The following HEATR1 variants were observed in gnomAD, a reference collection of about 807,000 sequenced individuals.
HEATR1 encodes HEAT repeat-containing protein 1.
A neutral mutation model predicts 248.2 loss-of-function variants in HEATR1; 77 were observed. That is an observed-to-expected ratio of 0.31 (90% CI 0.26 to 0.37). The LOEUF is 0.37. Ranked by LOEUF, HEATR1 falls within the 10% of genes least tolerant of loss-of-function variation. The pLI, the probability that HEATR1 is intolerant of heterozygous loss-of-function variation, is 1.00. For synonymous variants in HEATR1, 897 were observed against 923.1 expected (o/e 0.97, Z 0.51); for missense variants, 2,420 against 2,504.9 (o/e 0.97, Z 0.72).
In HEATR1 at chr1:236,574,699, C is replaced by T. The variant is rs139477120; in HGVS notation, c.3289G>A (p.Ala1097Thr). 2.2e-4 allele frequency: 352 copies of T among 1,613,850 alleles called. No individual in the cohort carries two copies. The highest frequency in any genetic ancestry group is 2.2e-3 in the African/African-American group (162 of 75,006). The change falls in exon 23 of 45, where the codon GCG (alanine) becomes ACG (threonine). Residue 1097 changes from alanine to threonine, a missense_variant. Ala to Thr is a moderately conservative substitution (Grantham distance 58). Transcript: ENST00000366582. ...GTGATCTGAATGGTTGGCATTCCCG[C>T]GTAAAGTTCCTTTGTTGTGTGCACA... ...KAVHTTKELY[A>T]GMPTIQITAL...
chr1:236,590,069 A>G (rs1245660777), intron 12 of HEATR1, among the ~76,000 whole-genome samples: 1 of 152,230 alleles, frequency 6.6e-6, no homozygotes, highest in Non-Finnish European at 1.5e-5. Context: ...ATTAGACCAA[A>G]TTATTTACAA....
intron 19 of HEATR1, 133 bp downstream of exon 19, chr1:236,582,603 A>G (rs1663782670): frequency 1.2e-6 from 1 of 836,684 alleles, no homozygotes; most frequent in Non-Finnish European, 1.9e-6. Flanking sequence ...GAGTTTCACT[A>G]TGTTGGCCAG....
rs978845326 is a variant in HEATR1, at chr1:236,561,246, A to G, written c.4625T>C (p.Ile1542Thr). The change falls in exon 33 of 45, where the codon ATT (isoleucine) becomes ACT (threonine). Residue 1542 changes from isoleucine (I) to threonine (T), a missense_variant. Physicochemically the swap from Ile to Thr is moderately conservative, Grantham distance 89 (BLOSUM62 -1). Coordinates refer to ENST00000366582, the MANE Select transcript of HEATR1 (RefSeq NM_018072.6). ...ATACCTCTCTTCAAGGCCTTTTAAA[A>G]TCTCAGGACCACCACTCTCAACTAC... ...KKVVESGGPE[I>T]LKGLEERLLE... 2 of 1,610,438 alleles carry G rather than the reference A, an allele frequency of 1.2e-6. No homozygotes were observed. Among genetic ancestry groups the G allele is most frequent in the Non-Finnish European group, 1.7e-6 (2 of 1,176,848 alleles).
chr1:236,556,556 A>G lies in HEATR1; in HGVS notation c.5356-298T>C, dbSNP rs75276632. ...ATGCAAGGGACCACGGCAAGAGTCA[A>G]GTTGCTAAAAAACTGAGAAAGCTCC... On this transcript the variant is annotated intron_variant, in intron 37 of 44. Coordinates refer to ENST00000366582, the MANE Select transcript of HEATR1 (RefSeq NM_018072.6). Among the ~76,000 whole-genome samples the G allele has an allele frequency of 3.2e-3, 489 of 152,340 alleles. 20 individuals are homozygous for G. The East Asian group carries it at 0.071, about 22-fold the overall frequency.
intron 43 of HEATR1, chr1:236,552,938 A>T (rs1034895060): frequency 6.6e-6 from 1 of 152,248 alleles, no homozygotes; most frequent in Non-Finnish European, 1.5e-5. Flanking sequence ...CATTGTTAGC[A>T]TATCCTAATA....
chr1:236,581,444 T>C lies in HEATR1; in HGVS notation c.2563-30A>G, dbSNP rs184976184. On this transcript the variant is annotated intron_variant, in intron 19 of 44. Coordinates refer to ENST00000366582, the MANE Select transcript of HEATR1 (RefSeq NM_018072.6). ...TTAAAAAAAAAAAAAAGCAAACTTT[T>C]AATTCTTACTCAAATAAGCTGGTTC... 51 of 1,393,020 alleles carry C rather than the reference T, an allele frequency of 3.7e-5. 1 individual carries two copies. The African/African-American group carries it at 5.6e-4, about 15-fold the overall frequency. The allele number at this position is 1,393,020 out of a possible 1,614,324, so 86.3% of individuals were successfully genotyped here. A position where few individuals can be genotyped will look rare whatever the true frequency, so the allele number is the denominator to read the frequency against.
At chr1:236,594,676 A>C (rs1664125701) in intron 8 of HEATR1, among the ~76,000 whole-genome samples, 1 of 152,250 alleles carries the variant, frequency 6.6e-6, no homozygotes, top group Admixed American at 6.5e-5. Context: ...CTCATTTTTC[A>C]GTAGACTGAC....
chr1:236,602,002 A>G (rs1455548040), intron 3 of HEATR1, among the ~76,000 whole-genome samples: 3 of 148,854 alleles, frequency 2.0e-5, no homozygotes, highest in African/African-American at 7.5e-5. Flanking sequence ...AACTGGGCGT[A>G]GTGGTATGTG....
At chr1:236,576,994 T>G in intron 20 of HEATR1, 45 bp from the exon 21 acceptor site, 1 of 1,466,128 alleles carries the variant, frequency 6.8e-7, no homozygotes, top group Non-Finnish European at 9.2e-7. Flanking sequence ...TTTTAAAAAC[T>G]GAAACAGTAC....
In HEATR1 at chr1:236,583,140, C is replaced by CAT. The variant is rs1302988592; in HGVS notation, c.2297_2298insAT (p.Leu767CysfsTer7). The CAT allele has an allele frequency of 6.2e-7, 1 of 1,613,850 alleles. No individual in the cohort carries two copies. Among genetic ancestry groups the CAT allele is most frequent in the African/African-American group, 1.3e-5 (1 of 74,908 alleles). On this transcript the variant is annotated frameshift_variant, in exon 18 of 45. Coordinates refer to ENST00000366582, the MANE Select transcript of HEATR1 (RefSeq NM_018072.6). LOFTEE classifies it high-confidence loss of function. Reference sequence around the variant, plus strand: ...GCTCTTCTACATAATGTGCCCACAGCTCCACTGGGATCCCTCTGTCTAACA... The same window carrying CAT: ...GCTCTTCTACATAATGTGCCCACAGCATTCCACTGGGATCCCTCTGTCTAACA...
chr1:236,562,091 C>T (rs1344105795), intron 32 of HEATR1, among the ~76,000 whole-genome samples: 3 of 152,188 alleles, frequency 2.0e-5, no homozygotes, highest in East Asian at 1.9e-4. Flanking sequence ...CTGGTACTAA[C>T]GACTTCAACA....
At chr1:236,597,003 C>G (rs1212612233) in intron 5 of HEATR1, 27 bp from the exon 6 acceptor site, 4 of 1,603,786 alleles carry the variant, frequency 2.5e-6, no homozygotes, top group Middle Eastern at 3.4e-4. Context: ...AAACAAAACA[C>G]ATTTAACAGT....
chr1:236,582,818 T>C lies in HEATR1; in HGVS notation c.2480A>G (p.His827Arg). ...QLKEDSRDYLHLLIGLFEMML... is the reference protein window; with the variant it reads ...QLKEDSRDYLRLLIGLFEMML... The stretch of plus-strand genomic sequence containing the variant: ...CATCTCAAACAGCCCAATGAGCAAG[T>C]GCAGATAGTCCCTGCTGTCTTCTTT... The change falls in exon 19 of 45, where the codon CAC becomes CGC. Residue 827 changes from histidine (H) to arginine (R), a missense_variant. Physicochemically the swap from His to Arg is conservative, Grantham distance 29. Coordinates refer to ENST00000366582, the MANE Select transcript of HEATR1 (RefSeq NM_018072.6). 1 of 1,613,936 alleles carries C rather than the reference T, an allele frequency of 6.2e-7. No homozygotes were observed.
intron 3 of HEATR1, among the ~76,000 whole-genome samples, chr1:236,600,933 T>C (rs533658219): frequency 6.6e-6 from 1 of 152,350 alleles, no homozygotes; most frequent in East Asian, 1.9e-4. Flanking sequence ...CTTAATCCTT[T>C]ATTATGGCAT....
intron 20 of HEATR1, 145 bp downstream of exon 20, chr1:236,581,077 C>T: frequency 1.6e-6 from 1 of 625,516 alleles, no homozygotes. Context: ...TTCGGCCTCC[C>T]AAAGTGCTGG....
intron 20 of HEATR1, among the ~76,000 whole-genome samples, chr1:236,580,018 C>T (rs1184968497): frequency 6.6e-6 from 1 of 151,916 alleles, no homozygotes; most frequent in Admixed American, 6.6e-5. Context: ...ATATTAATAA[C>T]ATTACAGTTT....
chr1:236,587,322 A>G lies in HEATR1; in HGVS notation c.1715+80T>C, dbSNP rs117912385. Reference sequence around the variant, plus strand: ...GGTCATGTAATCAAAGCCTTAAAAAAAAAAAGAAGAAGAAATAGAAAGAAC... The same window carrying G: ...GGTCATGTAATCAAAGCCTTAAAAAGAAAAAGAAGAAGAAATAGAAAGAAC... On this transcript the variant is annotated intron_variant, in intron 14 of 44. Transcript: ENST00000366582. The G allele has an allele frequency of 1.8e-3, 1,150 of 643,316 alleles. 33 individuals are homozygous for G. In the East Asian group the frequency reaches 0.025, roughly 14 times the overall value. 39.9% of individuals were successfully genotyped at this position (643,316 alleles called of 1,614,324 possible). A position where few individuals can be genotyped will look rare whatever the true frequency, so the allele number is the denominator to read the frequency against.
At chr1:236,554,489 A>T in intron 42 of HEATR1, 109 bp downstream of exon 42, 1 of 986,602 alleles carries the variant, frequency 1.0e-6, no homozygotes, top group South Asian at 1.5e-5. Flanking sequence ...AGAAAAAACA[A>T]CCTTACAAAG....
intron 26 of HEATR1, among the ~76,000 whole-genome samples, 180 bp from the exon 27 acceptor site, chr1:236,571,866 C>T (rs763026054): frequency 4.6e-5 from 7 of 152,122 alleles, no homozygotes; most frequent in Non-Finnish European, 7.4e-5. Context: ...CTCTAATTTT[C>T]TCTCATATAG....
Sources: gnomAD v4.1 joint callset for allele counts (sites outside exome capture counted in the v4.1 genomes callset) on GRCh38, gnomAD v4.1.1 for gene constraint, MANE v1.5 for transcripts, NCBI Gene and HGNC (gene_info 2026-07-23, HGNC 2026-07-21) for gene names.